Variants in MCF2L2 observed in about 807,000 individuals in gnomAD.
The protein encoded by MCF2L2 is probable guanine nucleotide exchange factor MCF2L2.
MCF2L2 carries 102 observed loss-of-function variants against 150.2 expected under a neutral mutation model. The observed-to-expected ratio is 0.68, with a 90% CI of 0.58 to 0.80. The LOEUF (loss-of-function observed/expected upper bound fraction) is 0.80, where lower values mean the gene tolerates loss of function less well. Among genes scored for constraint, MCF2L2 ranks in the 30% least tolerant of loss-of-function variants. MCF2L2 has a pLI of 0.00. For missense variants in MCF2L2, 1,256 were observed against 1,372.8 expected (o/e 0.91, Z 1.34); for synonymous variants, 465 against 491.3 (o/e 0.95, Z 0.71).
intron 5 of MCF2L2, among the ~76,000 whole-genome samples, chr3:183,325,141 T>C (rs1729972994): frequency 7.3e-6 from 1 of 137,884 alleles, no homozygotes; most frequent in African/African-American, 2.7e-5. Flanking sequence ...GGGGGAGGGA[T>C]AGCATTAGGA....
chr3:183,353,596 G>A (rs1294895837), intron 3 of MCF2L2, among the ~76,000 whole-genome samples: 2 of 152,132 alleles, frequency 1.3e-5, no homozygotes, highest in Non-Finnish European at 2.9e-5. Context: ...GGAGCAGGAG[G>A]AAGAGAGTGA....
At chr3:183,334,658 T>C (rs1334140314) in intron 5 of MCF2L2, among the ~76,000 whole-genome samples, 4 of 151,518 alleles carry the variant, frequency 2.6e-5, no homozygotes, top group African/African-American at 4.9e-5. Context: ...CCGGATGTAA[T>C]GGCAGGCACC....
rs957570994 is a variant in MCF2L2, at chr3:183,305,629, T to C, written c.1113+4087A>G. The stretch of plus-strand genomic sequence containing the variant: ...ACTTTGGGAAGCCAAGGCCGGCGGA[T>C]CACAAGGTCAGGAGTTAGAGACCAG... On this transcript the variant is annotated intron_variant, in intron 10 of 29. Coordinates refer to ENST00000328913, the MANE Select transcript of MCF2L2 (RefSeq NM_015078.4). This position sits in a 1 kb window ranked among gnomAD's most constrained non-coding sequence, Gnocchi z 4.1. Among the ~76,000 whole-genome samples, 4 of 152,144 alleles carry C rather than the reference T, an allele frequency of 2.6e-5. No individual in the cohort carries two copies. The highest frequency in any genetic ancestry group is 9.7e-5 in the African/African-American group (4 of 41,432).
intron 10 of MCF2L2, among the ~76,000 whole-genome samples, chr3:183,306,075 A>C (rs1729081925): frequency 6.6e-6 from 1 of 152,152 alleles, no homozygotes; most frequent in South Asian, 2.1e-4. Flanking sequence ...GATGAGGGGG[A>C]CCATATTCAG....
intron 15 of MCF2L2, among the ~76,000 whole-genome samples, chr3:183,233,989 G>A (rs1560358244): frequency 6.6e-6 from 1 of 152,256 alleles, no homozygotes; most frequent in East Asian, 1.9e-4. Flanking sequence ...GTAATTTCCG[G>A]AAGTCTAAAA....
At chr3:183,186,055 C>G (rs1052987287) in intron 27 of MCF2L2, among the ~76,000 whole-genome samples, 1 of 152,010 alleles carries the variant, frequency 6.6e-6, no homozygotes, top group Non-Finnish European at 1.5e-5. Context: ...GCTTTACCTC[C>G]CAGCTCAGCC....
intron 15 of MCF2L2, among the ~76,000 whole-genome samples, chr3:183,268,436 A>G (rs1178267413): frequency 1.5e-4 from 23 of 152,170 alleles, no homozygotes; most frequent in Admixed American, 1.4e-3. Flanking sequence ...TGATGATAAC[A>G]TGAAGGGGTG....
intron 1 of MCF2L2, among the ~76,000 whole-genome samples, chr3:183,422,192 CCTATGGTTTAG>C (rs1560068791): frequency 6.6e-6 from 1 of 152,192 alleles, no homozygotes; most frequent in Non-Finnish European, 1.5e-5. Context: ...AACAAGCTGG[CCTATGGTTTAG>C]CTTGTTGCTC....
At chr3:183,220,234 T>A (rs1365562839) in intron 20 of MCF2L2, among the ~76,000 whole-genome samples, 1 of 152,222 alleles carries the variant, frequency 6.6e-6, no homozygotes, top group Non-Finnish European at 1.5e-5. Context: ...TGTTATATCT[T>A]ACAGATAAAC....
chr3:183,242,359 C>G (rs1409136946), intron 15 of MCF2L2, among the ~76,000 whole-genome samples: 2 of 152,204 alleles, frequency 1.3e-5, no homozygotes, highest in East Asian at 3.9e-4. Flanking sequence ...TGTGGCAACC[C>G]CTCCCATCAC....
chr3:183,370,691 G>A (rs997396608), intron 3 of MCF2L2, among the ~76,000 whole-genome samples: 3 of 152,274 alleles, frequency 2.0e-5, no homozygotes. Flanking sequence ...AGTAACATCA[G>A]ACCCCTAGTT....
intron 25 of MCF2L2, among the ~76,000 whole-genome samples, chr3:183,201,053 T>C (rs1284952473): frequency 6.6e-6 from 1 of 152,226 alleles, no homozygotes; most frequent in Non-Finnish European, 1.5e-5. Flanking sequence ...TGAAGTCAGG[T>C]AGCGTGATGC....
intron 15 of MCF2L2, among the ~76,000 whole-genome samples, chr3:183,232,177 T>A (rs907774566): frequency 6.6e-6 from 1 of 152,140 alleles, no homozygotes; most frequent in African/African-American, 2.4e-5. Flanking sequence ...TGGAATGGAA[T>A]GTGGGCAGCC....
intron 1 of MCF2L2, among the ~76,000 whole-genome samples, chr3:183,427,292 TTTGCTCC>T (rs1277609247): frequency 3.9e-5 from 6 of 152,214 alleles, no homozygotes; most frequent in Non-Finnish European, 7.4e-5. Context: ...CAATGCATGT[TTTGCTCC>T]TCTTTTCAAC....
rs530119518 is a variant in MCF2L2 at position 183,277,198 on chromosome 3, G to A, written c.1777-241C>T. Among the ~76,000 whole-genome samples the A allele has an allele frequency of 8.5e-5, 13 of 152,126 alleles. No individual in the cohort carries two copies. In the South Asian group the frequency reaches 2.3e-3, roughly 27 times the overall value. On this transcript the variant is annotated intron_variant, in intron 14 of 29. Coordinates refer to ENST00000328913, the MANE Select transcript of MCF2L2 (RefSeq NM_015078.4). ...TCCCAAAAGCAGGTATCGGCCGGGC[G>A]TGGTGGCAGGCGCCTGTAATCCCAG...
At chr3:183,200,831 T>A (rs1427578840) in intron 25 of MCF2L2, among the ~76,000 whole-genome samples, 1 of 152,254 alleles carries the variant, frequency 6.6e-6, no homozygotes, top group Non-Finnish European at 1.5e-5. Flanking sequence ...CAGTTTCAGC[T>A]TTCTACATAT....
chr3:183,248,592 T>C (rs1334821830), intron 15 of MCF2L2, among the ~76,000 whole-genome samples: 5 of 152,166 alleles, frequency 3.3e-5, no homozygotes, highest in Admixed American at 1.3e-4. Flanking sequence ...CCTAACACTT[T>C]GGCAGGTGGA....
In MCF2L2 at chr3:183,267,782, G is replaced by A. The variant is rs970638027; in HGVS notation, c.1862+9090C>T. Among the ~76,000 whole-genome samples, 1 of 152,212 alleles carries A rather than the reference G, an allele frequency of 6.6e-6. No individual in the cohort carries two copies. The highest frequency in any genetic ancestry group is 2.4e-5 in the African/African-American group (1 of 41,448). On this transcript the variant is annotated intron_variant, in intron 15 of 29. Transcript: ENST00000328913. The surrounding 1 kb of genome is among the most constrained non-coding windows in gnomAD (Gnocchi z 5.5). ...GTGGTGGAGGAAAAGAGAGGACCTG[G>A]TGTAAGCAGCCATGGCATGGACCTC...
chr3:183,348,362 T>C lies in MCF2L2; in HGVS notation c.276-6732A>G, dbSNP rs564253573. Among the ~76,000 whole-genome samples the C allele has an allele frequency of 7.2e-3, 895 of 124,972 alleles. 7 individuals are homozygous for C. Among genetic ancestry groups the C allele is most frequent in the African/African-American group, 0.027 (861 of 32,290 alleles). The allele number at this position is 124,972 out of a possible 152,430, so 82.0% of individuals were successfully genotyped here. On this transcript the variant is annotated intron_variant, in intron 3 of 29. Coordinates refer to ENST00000328913, the MANE Select transcript of MCF2L2 (RefSeq NM_015078.4). ...ATGGGAAGTGAACAATGAGAACACA[T>C]GGACACAGGGAGGGGAACATCACAC...
Sources: gnomAD v4.1 joint callset for allele counts (sites outside exome capture counted in the v4.1 genomes callset) on GRCh38, gnomAD v4.1.1 for gene constraint, Gnocchi (gnomAD v3.1) non-coding constraint, MANE v1.5 for transcripts, NCBI Gene and HGNC (gene_info 2026-07-23, HGNC 2026-07-21) for gene names.